The following DAGLB variants were observed in gnomAD, a reference collection of about 807,000 sequenced individuals.
The protein encoded by DAGLB is diacylglycerol lipase beta.
A neutral mutation model predicts 72.1 loss-of-function variants in DAGLB; 66 were observed. The ratio of observed to expected loss-of-function variants is 0.92; its 90% CI spans 0.75 to 1.12. DAGLB has a LOEUF of 1.12. Ranked by LOEUF, DAGLB falls within the 50% of genes most tolerant of loss-of-function variation. The pLI is 0.00. For synonymous variants in DAGLB, 414 were observed against 359.5 expected, an observed-to-expected ratio of 1.15 and a Z score of -1.71; for missense variants, 1,065 against 884.9, an observed-to-expected ratio of 1.20 and a Z score of -2.58.
Position 6,410,218 on chromosome 7 carries a change from C to T in DAGLB, c.1732G>A (p.Asp578Asn), listed in dbSNP as rs769792440. ...TTGGGAGAAGAGTCCAGTGGGGAGT[C>T]GCTGGAGAAGCTGTAGGCCGGGGAC... ...RWSPAYSFSS[D>N]SPLDSSPKYP... is the part of the protein sequence containing the mutation. The change falls in exon 14 of 15, where the codon GAC (aspartate) becomes AAC (asparagine). Residue 578 changes from aspartate to asparagine, a missense_variant. Asp to Asn is a conservative substitution (Grantham distance 23). Transcript: ENST00000297056. The T allele has an allele frequency of 1.8e-5, 29 of 1,609,376 alleles. No homozygotes were observed. Among genetic ancestry groups the T allele is most frequent in the South Asian group, 1.0e-4 (9 of 90,348 alleles).
chr7:6,432,053 A>T (rs1404738683), intron 5 of DAGLB, among the ~76,000 whole-genome samples: 1 of 152,112 alleles, frequency 6.6e-6, no homozygotes, highest in African/African-American at 2.4e-5. Flanking sequence ...AATAAAAGTT[A>T]AAAAAATGAA....
chr7:6,427,832 G>A (rs1205915468), intron 6 of DAGLB, among the ~76,000 whole-genome samples: 1 of 152,118 alleles, frequency 6.6e-6, no homozygotes, highest in East Asian at 1.9e-4. Flanking sequence ...ACATGATGGG[G>A]TCATATGAAA....
intron 11 of DAGLB, 53 bp from the exon 12 acceptor site, chr7:6,413,087 A>G (rs757159181): frequency 6.4e-7 from 1 of 1,573,676 alleles, no homozygotes; most frequent in East Asian, 2.3e-5. Flanking sequence ...ACTGCCCACA[A>G]GGGCTTCCAT....
chr7:6,410,320 G>A lies in DAGLB; in HGVS notation c.1630C>T (p.Pro544Ser). The part of the protein sequence containing the change: ...ELFGGNPNNL[P>S]TELDGGDQEV... The stretch of plus-strand genomic sequence containing the variant: ...TGGTCGCCCCCGTCCAGCTCCGTGG[G>A]CAAGTTGTTGGGGTTTCCTCCAAAC... Residue 544 changes from proline (P) to serine (S), a missense_variant, in exon 14 of 15, where the codon CCC (proline) becomes TCC (serine). Physicochemically the swap from Pro to Ser is moderately conservative, Grantham distance 74 (BLOSUM62 -1). Coordinates refer to ENST00000297056, the MANE Select transcript of DAGLB (RefSeq NM_139179.4). 1.2e-6 allele frequency: 2 copies of A among 1,614,128 alleles called. No homozygotes were observed. The highest frequency in any genetic ancestry group is 1.7e-6 in the Non-Finnish European group (2 of 1,180,026).
chr7:6,443,785 G>C (rs892162407), intron 2 of DAGLB, among the ~76,000 whole-genome samples: 1 of 152,062 alleles, frequency 6.6e-6, no homozygotes, highest in Admixed American at 6.6e-5. Flanking sequence ...ATGGCGGATG[G>C]TGGCATGTCA....
intron 7 of DAGLB, 23 bp from the exon 8 acceptor site, chr7:6,424,858 T>A: frequency 1.9e-6 from 3 of 1,611,968 alleles, no homozygotes; most frequent in South Asian, 1.1e-5. Flanking sequence ...GAAACAAGCA[T>A]GGGGCCTAAA....
In DAGLB at chr7:6,409,445, C is replaced by T. The variant is rs1272063180; in HGVS notation, c.*392G>A. ...TTGAAAAACAAACCACGCCTGTAAA[C>T]TGAGTTGGATGAAAAGAGCTGCCTT... On this transcript the variant is annotated 3_prime_UTR_variant, in exon 15 of 15. Transcript: ENST00000297056. 1 of 203,250 alleles carries T rather than the reference C, an allele frequency of 4.9e-6. No homozygotes were observed. Among genetic ancestry groups the T allele is most frequent in the Non-Finnish European group, 1.0e-5 (1 of 100,082 alleles). 12.6% of individuals were successfully genotyped at this position (203,250 alleles called of 1,614,324 possible).
chr7:6,436,872 C>A (rs1042222454), intron 2 of DAGLB, among the ~76,000 whole-genome samples: 1 of 151,934 alleles, frequency 6.6e-6, no homozygotes, highest in African/African-American at 2.4e-5. Context: ...TGGGGCCGGG[C>A]ACGGTGACTC....
rs1562482850 is a variant in DAGLB, at chr7:6,424,765, G to A, written c.1127C>T (p.Thr376Ile). The A allele has an allele frequency of 1.9e-6, 3 of 1,613,698 alleles. No individual in the cohort carries two copies. The highest frequency in any genetic ancestry group is 2.5e-6 in the Non-Finnish European group (3 of 1,179,856). The change falls in exon 8 of 15, where the codon ACC becomes ATC. Residue 376 changes from threonine to isoleucine, a missense_variant. By Grantham distance (89) the Thr-to-Ile change is moderately conservative (BLOSUM62 -1). Coordinates refer to ENST00000297056, the MANE Select transcript of DAGLB (RefSeq NM_139179.4). ...KESVVVAVRG[T>I]MSLQDVLTDL... ...TTCCAACGTTACCTGCAGAGACATGGTCCCCCTCACAGCGACCACAACAGA... is the reference window on the plus strand; with the variant it reads ...TTCCAACGTTACCTGCAGAGACATGATCCCCCTCACAGCGACCACAACAGA...
At chr7:6,437,176 T>A (rs1424350705) in intron 2 of DAGLB, among the ~76,000 whole-genome samples, 235 of 136,936 alleles carry the variant, frequency 1.7e-3, no homozygotes, top group Middle Eastern at 7.5e-3. Flanking sequence ...ATAATAATAA[T>A]AATAATAATA....
chr7:6,419,388 T>C (rs1479292716), intron 9 of DAGLB, among the ~76,000 whole-genome samples: 1 of 152,136 alleles, frequency 6.6e-6, no homozygotes, highest in Admixed American at 6.6e-5. Flanking sequence ...ACTGGGCACC[T>C]ACCCTGTGGC....
chr7:6,410,845 C>T (rs1783699109), intron 13 of DAGLB, among the ~76,000 whole-genome samples: 2 of 151,540 alleles, frequency 1.3e-5, no homozygotes, highest in African/African-American at 2.4e-5. Context: ...GCTCGGCTTA[C>T]AGGCTCCTGC....
intron 9 of DAGLB, among the ~76,000 whole-genome samples, chr7:6,418,596 G>A (rs1224908445): frequency 6.6e-6 from 1 of 152,164 alleles, no homozygotes; most frequent in East Asian, 1.9e-4. Context: ...TAATAGGACG[G>A]GGTGGAGGAA....
chr7:6,413,873 G>A (rs961603027), intron 11 of DAGLB, among the ~76,000 whole-genome samples: 35 of 152,222 alleles, frequency 2.3e-4, no homozygotes, highest in African/African-American at 7.2e-4. Context: ...GAACAGCCAC[G>A]ACCAGAGACA....
chr7:6,426,941 C>G (rs146369957), intron 6 of DAGLB, among the ~76,000 whole-genome samples: 7 of 152,078 alleles, frequency 4.6e-5, no homozygotes, highest in African/African-American at 1.7e-4. Context: ...AACCCCACCT[C>G]TACTAAAAAT....
chr7:6,425,853 A>T, intron 7 of DAGLB, 135 bp downstream of exon 7: 3 of 1,427,652 alleles, frequency 2.1e-6, no homozygotes, highest in Non-Finnish European at 2.8e-6. Flanking sequence ...GGCCCCTCTG[A>T]AATAGTACAC....
chr7:6,410,965 A>G (rs1440890406), intron 13 of DAGLB, among the ~76,000 whole-genome samples: 2 of 147,880 alleles, frequency 1.4e-5, no homozygotes, highest in Non-Finnish European at 3.0e-5. Context: ...GCTCTCTGCA[A>G]GCTCCGCCTC....
intron 3 of DAGLB, among the ~76,000 whole-genome samples, chr7:6,436,145 G>T (rs990453164): frequency 1.3e-5 from 2 of 151,898 alleles, no homozygotes; most frequent in African/African-American, 4.8e-5. Context: ...GAACCAGTAA[G>T]GAAAGAAATC....
At chr7:6,430,379 G>C in intron 6 of DAGLB, 101 bp downstream of exon 6, 1 of 1,291,098 alleles carries the variant, frequency 7.7e-7, no homozygotes, top group Non-Finnish European at 9.9e-7. Flanking sequence ...AGGATTCATG[G>C]GAGTTCTTTG....
Sources: allele counts gnomAD v4.1 joint callset (sites outside exome capture counted in the v4.1 genomes callset), GRCh38; gene constraint gnomAD v4.1.1; transcripts MANE v1.5; gene names NCBI Gene and HGNC (gene_info 2026-07-23, HGNC 2026-07-21).